Variants in POPDC3 observed in about 807,000 individuals in gnomAD.
POPDC3 encodes popeye domain cAMP effector 3, also known as popeye domain-containing protein 3.
POPDC3 carries 20 observed loss-of-function variants against 28.2 expected under a neutral mutation model. The observed-to-expected ratio is 0.71, with a 90% CI of 0.50 to 1.03. The LOEUF is 1.03. Among genes scored for constraint, POPDC3 ranks in the 50% least tolerant of loss-of-function variants. The probability of loss-of-function intolerance (pLI) is 0.00; values close to 1 mark genes in which losing one functional copy is unlikely to be tolerated. For synonymous variants in POPDC3, 118 were observed against 124.1 expected (o/e 0.95, Z 0.33); for missense variants, 316 against 345.9 (o/e 0.91, Z 0.69).
chr6:105,160,006 T>C (rs767778571), intron 2 of POPDC3, 187 bp from the exon 3 acceptor site: 2 of 472,792 alleles, frequency 4.2e-6, no homozygotes, highest in Non-Finnish European at 3.8e-6. Context: ...ATTCATGTTA[T>C]CATGTTCCTT....
chr6:105,177,973 T>C (rs2114551816), intron 1 of POPDC3, among the ~76,000 whole-genome samples: 1 of 152,360 alleles, frequency 6.6e-6, no homozygotes, highest in South Asian at 2.1e-4. Context: ...ATTTTCCTTG[T>C]AAGACTTTTT....
rs190564814 is a variant in POPDC3 at position 105,176,806 on chromosome 6, G to A, written c.-252+3027C>T. 3.1e-3 allele frequency among the ~76,000 whole-genome samples: 470 copies of A among 152,194 alleles called. 6 individuals carry two copies. The highest frequency in any genetic ancestry group is 0.011 in the African/African-American group (450 of 41,526). On this transcript the variant is annotated intron_variant, in intron 1 of 3. Coordinates refer to ENST00000254765, the MANE Select transcript of POPDC3 (RefSeq NM_022361.5). ...ACTCCTGACCTCAGGTGATCCGCCC[G>A]CCTCAGCCTCCCAAAGTGCTGGGAT... is the stretch of plus-strand genomic sequence containing the variant.
intron 1 of POPDC3, among the ~76,000 whole-genome samples, chr6:105,168,289 C>T (rs1489648453): frequency 4.7e-4 from 71 of 152,326 alleles, no homozygotes; most frequent in Middle Eastern, 6.8e-3. Flanking sequence ...CTCATTTCAT[C>T]TTCTGATATG....
At chr6:105,166,821 T>C in intron 1 of POPDC3, 1 of 334,058 alleles carries the variant, frequency 3.0e-6, no homozygotes, top group South Asian at 2.7e-5. Flanking sequence ...TTTAATTTTT[T>C]CAGTTGGGTT....
intron 1 of POPDC3, chr6:105,178,680 A>C (rs1345153543): frequency 6.2e-6 from 6 of 971,102 alleles, no homozygotes; most frequent in Non-Finnish European, 6.1e-6. Context: ...TTTTGCGAAT[A>C]TGGAAACTGA....
At chr6:105,171,359 T>C (rs547094610) in intron 1 of POPDC3, among the ~76,000 whole-genome samples, 5 of 152,226 alleles carry the variant, frequency 3.3e-5, no homozygotes, top group African/African-American at 1.2e-4. Context: ...CTTAAAAATA[T>C]TGTGAATTAA....
At chr6:105,176,369 G>C (rs1185554157) in intron 1 of POPDC3, among the ~76,000 whole-genome samples, 4 of 152,160 alleles carry the variant, frequency 2.6e-5, no homozygotes, top group African/African-American at 9.6e-5. Flanking sequence ...GTGATGAGCT[G>C]GCCGCCTGTG....
intron 1 of POPDC3, chr6:105,169,067 G>A (rs1327143217): frequency 6.6e-6 from 1 of 152,098 alleles, no homozygotes. Flanking sequence ...CACAAAAACT[G>A]ATAACAAATA....
At chr6:105,166,196 G>A (rs893183856) in intron 1 of POPDC3, among the ~76,000 whole-genome samples, 3 of 152,092 alleles carry the variant, frequency 2.0e-5, no homozygotes, top group Non-Finnish European at 2.9e-5. Flanking sequence ...CATCATAAGA[G>A]CTCTAAAATG....
intron 2 of POPDC3, among the ~76,000 whole-genome samples, chr6:105,161,104 A>G (rs9500044): frequency 0.18 from 27,891 of 152,208 alleles, 3,971 homozygotes; most frequent in African/African-American, 0.4. Context: ...TAAGTATTCT[A>G]TTAATTCAAG....
intron 1 of POPDC3, among the ~76,000 whole-genome samples, chr6:105,165,419 C>A (rs9486045): frequency 0.099 from 15,105 of 152,182 alleles, 1,701 homozygotes; most frequent in African/African-American, 0.28. Flanking sequence ...TTCTCAGGGG[C>A]AGCAGGGGCA....
chr6:105,178,179 A>G lies in POPDC3; in HGVS notation c.-252+1654T>C, dbSNP rs142498958. ...ACAGACTTTCAGATCTATCATGGAT[A>G]TTTCCAAAGCAGTTTTGAAATTTCT... is the stretch of plus-strand genomic sequence containing the variant. On this transcript the variant is annotated intron_variant, in intron 1 of 3. Transcript: ENST00000254765. Among the ~76,000 whole-genome samples the G allele has an allele frequency of 1.0e-3, 157 of 152,308 alleles. 1 individual carries two copies. The highest frequency in any genetic ancestry group is 3.6e-3 in the African/African-American group (151 of 41,560).
At chr6:105,177,929 G>C (rs556294225) in intron 1 of POPDC3, among the ~76,000 whole-genome samples, 2 of 152,048 alleles carry the variant, frequency 1.3e-5, no homozygotes, top group Non-Finnish European at 2.9e-5. Flanking sequence ...AGGAACTTTC[G>C]GTTATTTATT....
intron 1 of POPDC3, among the ~76,000 whole-genome samples, chr6:105,167,235 A>G (rs1307452742): frequency 1.3e-5 from 2 of 152,170 alleles, no homozygotes; most frequent in Non-Finnish European, 1.5e-5. Flanking sequence ...TTAGGGAAAA[A>G]GTCAGAGGAA....
intron 1 of POPDC3, among the ~76,000 whole-genome samples, chr6:105,171,015 A>G (rs896651607): frequency 1.3e-5 from 2 of 152,238 alleles, no homozygotes; most frequent in African/African-American, 4.8e-5. Context: ...TAGAATGAGC[A>G]TGTTTTTATA....
Position 105,161,788 on chromosome 6 carries a change from A to T in POPDC3, c.122T>A (p.Phe41Tyr), listed in dbSNP as rs750377448. 1 of 1,614,208 alleles carries T rather than the reference A, an allele frequency of 6.2e-7. No individual in the cohort carries two copies. Among genetic ancestry groups the T allele is most frequent in the Admixed American group, 1.7e-5 (1 of 60,026 alleles). ...HLASILFVVG[F>Y]MGGSGFFGLL... ...CCCGAAGAATCCACTGCCACCCATG[A>T]AACCTACTACAAATAAAATACTGGC... The change falls in exon 2 of 4, where the codon TTC (phenylalanine) becomes TAC (tyrosine). Residue 41 changes from phenylalanine (F) to tyrosine (Y), a missense_variant. By Grantham distance (22) the Phe-to-Tyr change is conservative. Transcript: ENST00000254765.
intron 2 of POPDC3, among the ~76,000 whole-genome samples, chr6:105,161,212 A>C (rs1774319402): frequency 6.6e-6 from 1 of 152,230 alleles, no homozygotes; most frequent in African/African-American, 2.4e-5. Flanking sequence ...CTAAGATGAA[A>C]TATTAAGGCT....
At chr6:105,175,231 C>A (rs1774658754) in intron 1 of POPDC3, among the ~76,000 whole-genome samples, 1 of 151,652 alleles carries the variant, frequency 6.6e-6, no homozygotes. Flanking sequence ...TAGATCCTCA[C>A]AATATAAACA....
chr6:105,161,403 T>A lies in POPDC3; in HGVS notation c.485+22A>T, dbSNP rs201022071. On this transcript the variant is annotated intron_variant, in intron 2 of 3. Transcript: ENST00000254765. The stretch of plus-strand genomic sequence containing the variant: ...AACAACTAATACTTGAGGAAAGACA[T>A]GCAAGCACCAAAGGTACAAACCTTC... 18 of 1,597,096 alleles carry A rather than the reference T, an allele frequency of 1.1e-5. No individual in the cohort carries two copies. In the South Asian group the frequency reaches 1.6e-4, roughly 14 times the overall value.
Sources: gnomAD v4.1 joint callset for allele counts (sites outside exome capture counted in the v4.1 genomes callset) on GRCh38, gnomAD v4.1.1 for gene constraint, MANE v1.5 for transcripts, NCBI Gene and HGNC (gene_info 2026-07-23, HGNC 2026-07-21) for gene names.